The following RBMS3 variants were observed in gnomAD, a reference collection of about 807,000 sequenced individuals.
RBMS3 encodes RNA-binding motif, single-stranded-interacting protein 3.
A neutral mutation model predicts 66.8 loss-of-function variants in RBMS3; 27 were observed. The observed-to-expected ratio is 0.40, with a 90% confidence interval of 0.30 to 0.56. The LOEUF (loss-of-function observed/expected upper bound fraction) is 0.56. Among genes scored for constraint, RBMS3 ranks in the 20% least tolerant of loss-of-function variants. The probability of loss-of-function intolerance (pLI) is 0.40; values close to 1 mark genes in which losing one functional copy is unlikely to be tolerated. For missense variants in RBMS3, 513 were observed against 549.5 expected, an observed-to-expected ratio of 0.93 and a Z score of 0.66; for synonymous variants, 188 against 183.0, an observed-to-expected ratio of 1.03 and a Z score of -0.22.
chr3:29,781,567 A>G (rs1049640366), intron 6 of RBMS3, among the ~76,000 whole-genome samples: 13 of 152,186 alleles, frequency 8.5e-5, no homozygotes, highest in Admixed American at 7.9e-4. Flanking sequence ...CCTGAATATT[A>G]TGAAATACCT....
rs1246146617 is a variant in RBMS3, at chr3:29,489,175, GT to G, written c.307+679del. Among the ~76,000 whole-genome samples the G allele has an allele frequency of 9.2e-5, 14 of 152,260 alleles. 1 individual carries two copies. Among genetic ancestry groups the G allele is most frequent in the Middle Eastern group, 6.8e-3 (2 of 294 alleles). ...ATTGGAATGCTTCTTGTAACATGCT[GT>G]TTGTTGTTCCTTTAATCTAATCTTT... On this transcript the variant is annotated intron_variant, in intron 3 of 14. Transcript: ENST00000383767.
At chr3:29,892,570 G>C (rs1375991960) in intron 8 of RBMS3, among the ~76,000 whole-genome samples, 2 of 151,460 alleles carry the variant, frequency 1.3e-5, no homozygotes, top group Non-Finnish European at 3.0e-5. Flanking sequence ...CAGTGTAAAA[G>C]AGGCACTTGG....
intron 6 of RBMS3, among the ~76,000 whole-genome samples, chr3:29,824,670 A>G (rs1433157092): frequency 2.6e-5 from 4 of 152,158 alleles, no homozygotes; most frequent in Non-Finnish European, 4.4e-5. Context: ...ATATCAACAC[A>G]TCTACTGATG....
At chr3:29,783,689 C>G (rs1012181413) in intron 6 of RBMS3, among the ~76,000 whole-genome samples, 1 of 152,024 alleles carries the variant, frequency 6.6e-6, no homozygotes, top group Non-Finnish European at 1.5e-5. Context: ...GATAGTACCT[C>G]ACATCCCAAT....
At chr3:29,656,903 A>G (rs1019519042) in intron 4 of RBMS3, among the ~76,000 whole-genome samples, 5 of 152,168 alleles carry the variant, frequency 3.3e-5, no homozygotes, top group Admixed American at 6.5e-5. Context: ...GTTTCTAGCT[A>G]GTGGGTGACA....
At chr3:29,854,006 C>G (rs2149523375) in intron 6 of RBMS3, among the ~76,000 whole-genome samples, 1 of 152,288 alleles carries the variant, frequency 6.6e-6, no homozygotes, top group Non-Finnish European at 1.5e-5. Context: ...CTTCCAGAGA[C>G]CATACTGTTT....
intron 4 of RBMS3, among the ~76,000 whole-genome samples, chr3:29,693,107 A>T (rs1431558445): frequency 6.6e-6 from 1 of 152,122 alleles, no homozygotes; most frequent in East Asian, 1.9e-4. Flanking sequence ...TTTTACTGAG[A>T]TACTTTTCTC....
At chr3:29,574,331 T>A (rs916358229) in intron 3 of RBMS3, among the ~76,000 whole-genome samples, 2 of 152,164 alleles carry the variant, frequency 1.3e-5, no homozygotes, top group African/African-American at 4.8e-5. Flanking sequence ...TGTCTCTCCT[T>A]GCAGTTTTTG....
chr3:29,358,445 G>A lies in RBMS3; in HGVS notation c.76-76298G>A, dbSNP rs181694735. Among the ~76,000 whole-genome samples, 318 of 152,280 alleles carry A rather than the reference G, an allele frequency of 2.1e-3. 1 individual carries two copies. Among genetic ancestry groups the A allele is most frequent in the African/African-American group, 7.3e-3 (304 of 41,556 alleles). On this transcript the variant is annotated intron_variant, in intron 1 of 14. Transcript: ENST00000383767. The stretch of plus-strand genomic sequence containing the variant: ...CCAGTACCATGCTGTTTTGGTTACT[G>A]TAACCTCGTAGTATAGTTTGAAGTG...
intron 4 of RBMS3, among the ~76,000 whole-genome samples, chr3:29,734,285 G>A (rs1191604226): frequency 6.6e-6 from 1 of 151,972 alleles, no homozygotes; most frequent in African/African-American, 2.4e-5. Flanking sequence ...TTGATAACCA[G>A]GTACAAAATT....
chr3:29,328,815 C>T (rs2035488620), intron 1 of RBMS3, among the ~76,000 whole-genome samples: 1 of 152,050 alleles, frequency 6.6e-6, no homozygotes, highest in Non-Finnish European at 1.5e-5. Context: ...GTCTTCCTTC[C>T]CTATTAATCC....
At chr3:29,646,712 T>C (rs2149205743) in intron 4 of RBMS3, among the ~76,000 whole-genome samples, 1 of 152,196 alleles carries the variant, frequency 6.6e-6, no homozygotes, top group South Asian at 2.1e-4. Flanking sequence ...CCTTCTCATT[T>C]TTCTTCCCTT....
chr3:29,974,630 A>G (rs1416577687), intron 12 of RBMS3, among the ~76,000 whole-genome samples: 1 of 151,434 alleles, frequency 6.6e-6, no homozygotes, highest in Non-Finnish European at 1.5e-5. Flanking sequence ...AAAAAATCCT[A>G]ATTTCCATTG....
intron 3 of RBMS3, among the ~76,000 whole-genome samples, chr3:29,570,875 A>G (rs184473893): frequency 5.8e-4 from 88 of 152,122 alleles, no homozygotes; most frequent in Non-Finnish European, 9.7e-4. Flanking sequence ...TGGTAGCTCT[A>G]TTTTTAGTTT....
At position 29,409,873 on chromosome 3, in the gene RBMS3, A is replaced by AT. The variant is rs201692244; in HGVS notation, c.76-24861dup. ...AATGTAATGCTACTTAAATTAATTG[A>AT]TTTTTTTTTCATTACTTCAGTATAC... On this transcript the variant is annotated intron_variant, in intron 1 of 14. Coordinates refer to ENST00000383767, the MANE Select transcript of RBMS3 (RefSeq NM_001003793.3). Among the ~76,000 whole-genome samples the AT allele has an allele frequency of 1.2e-3, 176 of 151,580 alleles. 1 individual carries two copies. The highest frequency in any genetic ancestry group is 3.7e-3 in the African/African-American group (151 of 41,278).
chr3:29,512,429 T>A (rs573977899), intron 3 of RBMS3, among the ~76,000 whole-genome samples: 1 of 152,188 alleles, frequency 6.6e-6, no homozygotes, highest in African/African-American at 2.4e-5. Context: ...GCATTAATCC[T>A]TCTTTAATTT....
chr3:29,772,316 T>C (rs2056245459), intron 6 of RBMS3, among the ~76,000 whole-genome samples: 1 of 152,070 alleles, frequency 6.6e-6, no homozygotes, highest in African/African-American at 2.4e-5. Context: ...TAGATGATTT[T>C]TTCTAGCAAC....
chr3:29,706,472 C>T (rs527761585), intron 4 of RBMS3, among the ~76,000 whole-genome samples: 4 of 152,274 alleles, frequency 2.6e-5, no homozygotes, highest in South Asian at 2.1e-4. Context: ...ATTTCACAGA[C>T]GGCACTGGAG....
chr3:29,772,922 CCTTAT>C (rs1251359983), intron 6 of RBMS3, among the ~76,000 whole-genome samples: 2 of 151,902 alleles, frequency 1.3e-5, no homozygotes, highest in Non-Finnish European at 2.9e-5. Flanking sequence ...TTTGGGAAGT[CCTTAT>C]ATCTTAGAGC....
Sources: allele counts gnomAD v4.1 joint callset (sites outside exome capture counted in the v4.1 genomes callset), GRCh38; gene constraint gnomAD v4.1.1; transcripts MANE v1.5; gene names NCBI Gene and HGNC (gene_info 2026-07-23, HGNC 2026-07-21).